The following ELP4 variants were observed in gnomAD, a reference collection of about 807,000 sequenced individuals.
The protein encoded by ELP4 is elongator acetyltransferase complex subunit 4.
In ELP4, 51 loss-of-function variants were observed where a neutral mutation model predicts 48.9. The observed-to-expected ratio is 1.04, with a 90% CI of 0.83 to 1.32. The LOEUF (loss-of-function observed/expected upper bound fraction) is 1.32. ELP4 is among the 40% of genes most tolerant of loss of function. The pLI is 0.00. For synonymous variants in ELP4, 210 were observed against 189.2 expected (o/e 1.11, Z -0.90); for missense variants, 519 against 514.6 (o/e 1.01, Z -0.08).
At chr11:31,619,976 G>T (rs1944585008) in intron 5 of ELP4, among the ~76,000 whole-genome samples, 1 of 152,010 alleles carries the variant, frequency 6.6e-6, no homozygotes, top group South Asian at 2.1e-4. Context: ...GAAAATGTGT[G>T]CTAGGTGTCC....
chr11:31,768,942 T>A (rs538631192), intron 9 of ELP4, among the ~76,000 whole-genome samples: 2 of 152,262 alleles, frequency 1.3e-5, no homozygotes, highest in South Asian at 4.1e-4. Context: ...ATGCTTCGGT[T>A]CTGAATGCCC....
At chr11:31,664,203 A>G (rs956602695) in intron 9 of ELP4, 1 of 152,146 alleles carries the variant, frequency 6.6e-6, no homozygotes, top group Non-Finnish European at 1.5e-5. Context: ...GCTGCCAGGA[A>G]GGGGTTTTGT....
intron 9 of ELP4, among the ~76,000 whole-genome samples, chr11:31,679,211 A>ACTATATTCATGTACCACATATACCATAAT (rs1489260975): frequency 6.6e-6 from 1 of 152,158 alleles, no homozygotes; most frequent in Non-Finnish European, 1.5e-5. Flanking sequence ...AGTTCAGTTG[A>ACTATATTCATGTACCACATATACCATAAT]CTATATTCAT....
chr11:31,547,252 GA>G, intron 3 of ELP4, among the ~76,000 whole-genome samples: 1 of 151,632 alleles, frequency 6.6e-6, no homozygotes, highest in Non-Finnish European at 1.5e-5. Context: ...GACTAATAAA[GA>G]AAAAAAGAGA....
At chr11:31,628,476 C>A (rs1393280371) in intron 6 of ELP4, 1 of 141,342 alleles carries the variant, frequency 7.1e-6, no homozygotes, top group East Asian at 2.2e-4. Context: ...CACAGATATA[C>A]CTTAAGAATC....
intron 1 of ELP4, among the ~76,000 whole-genome samples, chr11:31,517,258 A>G (rs919618247): frequency 3.3e-5 from 5 of 150,766 alleles, no homozygotes; most frequent in Non-Finnish European, 7.4e-5. Context: ...ATCTCAACTC[A>G]CTGCAACCTA....
chr11:31,669,087 TTTTA>T (rs1945748687), intron 9 of ELP4, among the ~76,000 whole-genome samples: 1 of 108,018 alleles, frequency 9.3e-6, no homozygotes, highest in African/African-American at 3.1e-5. Context: ...TTTATTTTTA[TTTTA>T]TTTTATTTTT....
chr11:31,770,647 G>A (rs1335813375), intron 9 of ELP4, among the ~76,000 whole-genome samples: 2 of 151,678 alleles, frequency 1.3e-5, no homozygotes, highest in Non-Finnish European at 2.9e-5. Context: ...CAAGAATAGT[G>A]GCTCACATCT....
chr11:31,535,413 G>A (rs937992250), intron 2 of ELP4, among the ~76,000 whole-genome samples: 5 of 152,118 alleles, frequency 3.3e-5, no homozygotes, highest in African/African-American at 1.2e-4. Flanking sequence ...TACAATCATG[G>A]CTCACTGCAT....
chr11:31,781,716 C>T (rs961780925), intron 9 of ELP4, among the ~76,000 whole-genome samples: 1 of 151,872 alleles, frequency 6.6e-6, no homozygotes, highest in Admixed American at 6.6e-5. Context: ...CCAGGATGGT[C>T]TCCATCTCTT....
chr11:31,611,108 C>T (rs1004901008), intron 5 of ELP4, among the ~76,000 whole-genome samples: 3 of 152,166 alleles, frequency 2.0e-5, no homozygotes, highest in Non-Finnish European at 4.4e-5. Flanking sequence ...GCTCTTTGGT[C>T]CTTGCTCCTT....
chr11:31,524,362 T>C (rs190828698), intron 2 of ELP4, among the ~76,000 whole-genome samples: 4 of 152,356 alleles, frequency 2.6e-5, no homozygotes, highest in Admixed American at 2.6e-4. Flanking sequence ...AGCTCCTTGC[T>C]GATTGGCAGC....
At chr11:31,517,214 T>C (rs1312968437) in intron 1 of ELP4, among the ~76,000 whole-genome samples, 5 of 152,014 alleles carry the variant, frequency 3.3e-5, no homozygotes, top group Non-Finnish European at 5.9e-5. Flanking sequence ...GACAGAGTCT[T>C]GCTATGTGGC....
At chr11:31,517,007 A>G (rs1436362522) in intron 1 of ELP4, among the ~76,000 whole-genome samples, 1 of 152,136 alleles carries the variant, frequency 6.6e-6, no homozygotes, top group Non-Finnish European at 1.5e-5. Context: ...TTCCTTCCCT[A>G]AGAGTTTGAA....
At chr11:31,705,264 A>G (rs1244983890) in intron 9 of ELP4, among the ~76,000 whole-genome samples, 2 of 152,098 alleles carry the variant, frequency 1.3e-5, no homozygotes, top group Non-Finnish European at 2.9e-5. Context: ...GGGCAAGAGC[A>G]TGTCAGCTCA....
At chr11:31,573,247 A>G (rs1317198174) in intron 3 of ELP4, among the ~76,000 whole-genome samples, 1 of 152,150 alleles carries the variant, frequency 6.6e-6, no homozygotes, top group East Asian at 1.9e-4. Context: ...GACCCCTGGC[A>G]ACCTCCAGTC....
At chr11:31,569,084 CA>C (rs557931299) in intron 3 of ELP4, among the ~76,000 whole-genome samples, 45 of 126,860 alleles carry the variant, frequency 3.5e-4, no homozygotes, top group Admixed American at 8.3e-4. Flanking sequence ...GACCCCATCT[CA>C]AAAAAAAAAA....
At chr11:31,734,333 A>T (rs1387911379) in intron 9 of ELP4, among the ~76,000 whole-genome samples, 3 of 152,324 alleles carry the variant, frequency 2.0e-5, no homozygotes, top group Admixed American at 6.5e-5. Context: ...TGCCACTTCT[A>T]TCGAACGTAG....
At chr11:31,750,461 G>C (rs1451080104) in intron 9 of ELP4, among the ~76,000 whole-genome samples, 1 of 151,938 alleles carries the variant, frequency 6.6e-6, no homozygotes, top group Non-Finnish European at 1.5e-5. Flanking sequence ...TCCCTGTCAC[G>C]GTGGTCTTTC....
Sources: allele counts gnomAD v4.1 joint callset (sites outside exome capture counted in the v4.1 genomes callset), GRCh38; gene constraint gnomAD v4.1.1; transcripts MANE v1.5; gene names NCBI Gene and HGNC (gene_info 2026-07-23, HGNC 2026-07-21).